The following C17orf99 variants were observed in gnomAD, a reference collection of about 807,000 sequenced individuals.
C17orf99 encodes chromosome 17 open reading frame 99, also known as protein IL-40.
In C17orf99, 18 loss-of-function variants were observed where a neutral mutation model predicts 22.6. That is an observed-to-expected ratio of 0.80 (90% CI 0.55 to 1.18). The LOEUF is 1.18. Among genes scored for constraint, C17orf99 ranks in the 50% most tolerant of loss-of-function variants. The pLI is 0.00. For synonymous variants in C17orf99, 147 were observed against 136.6 expected, an observed-to-expected ratio of 1.08 and a Z score of -0.53; for missense variants, 328 against 342.7, an observed-to-expected ratio of 0.96 and a Z score of 0.34.
intron 2 of C17orf99, chr17:78,158,117 C>T: frequency 1.2e-6 from 1 of 857,884 alleles, no homozygotes; most frequent in Non-Finnish European, 1.9e-6. Context: ...AGAGACTGAG[C>T]AGAAGTACAG....
chr17:78,146,536 G>C lies in C17orf99; in HGVS notation c.37+92G>C. 4.2e-6 allele frequency: 5 copies of C among 1,187,690 alleles called. No homozygotes were observed. The highest frequency in any genetic ancestry group is 6.1e-6 in the Non-Finnish European group (5 of 826,406). 73.6% of individuals were successfully genotyped at this position (1,187,690 alleles called of 1,614,324 possible). On this transcript the variant is annotated intron_variant, in intron 1 of 4. Transcript: ENST00000340363. This position sits in a 1 kb window ranked among gnomAD's most constrained non-coding sequence, Gnocchi z 5.2. ...GGTACTGGGAGCACAGGAGAGATGA[G>C]GCCTGAAGGAAGGGCACCTCTGGAA...
At chr17:78,149,515 G>A (rs1038557763) in intron 2 of C17orf99, among the ~76,000 whole-genome samples, 10 of 151,976 alleles carry the variant, frequency 6.6e-5, no homozygotes, top group Non-Finnish European at 1.0e-4. Context: ...TGATCTCTGC[G>A]TAGGTTGGCT....
chr17:78,149,201 G>A (rs564042857), intron 2 of C17orf99, among the ~76,000 whole-genome samples: 87 of 151,888 alleles, frequency 5.7e-4, no homozygotes, highest in African/African-American at 1.9e-3. Flanking sequence ...GCGTGGTGGC[G>A]CACGTCTGTA....
intron 2 of C17orf99, among the ~76,000 whole-genome samples, chr17:78,149,682 C>T (rs990945842): frequency 4.0e-5 from 6 of 151,838 alleles, no homozygotes; most frequent in East Asian, 1.9e-4. Flanking sequence ...TACAGGCACA[C>T]GCCATCACAC....
At chr17:78,160,656 CACCT>C in intron 2 of C17orf99, 1 of 411,748 alleles carries the variant, frequency 2.4e-6, no homozygotes, top group South Asian at 2.7e-5. Flanking sequence ...GGCTCACTGC[CACCT>C]GCCACCTCCG....
At chr17:78,146,247 G>T, upstream of C17orf99, 1 of 594,614 alleles carries the variant, frequency 1.7e-6, no homozygotes, top group Non-Finnish European at 2.9e-6. This position sits in a 1 kb window ranked among gnomAD's most constrained non-coding sequence, Gnocchi z 5.2. Context: ...GGGCTCTCTG[G>T]GCCCCGCCCT....
intron 2 of C17orf99, among the ~76,000 whole-genome samples, chr17:78,152,361 G>A (rs977367558): frequency 2.0e-5 from 3 of 149,946 alleles, no homozygotes; most frequent in East Asian, 3.9e-4. Context: ...TTGAGACAGG[G>A]TCTCACTTTG....
At position 78,161,146 on chromosome 17, in the gene C17orf99, A is replaced by G. The variant is rs778561686; in HGVS notation, c.262A>G (p.Thr88Ala). 1 of 1,551,780 alleles carries G rather than the reference A, an allele frequency of 6.4e-7. No individual in the cohort carries two copies. Among genetic ancestry groups the G allele is most frequent in the South Asian group, 1.2e-5 (1 of 84,064 alleles). The stretch of plus-strand genomic sequence containing the variant: ...GCCGGCCTCCTTCAACCTCAACGTC[A>G]CACTCAAGTCCAGTCCAGACCTGCT... Reference protein sequence around the residue: ...HEPASFNLNVTLKSSPDLLTY... With the variant: ...HEPASFNLNVALKSSPDLLTY... Residue 88 changes from threonine (T) to alanine (A), a missense_variant, in exon 3 of 5, where the codon ACA becomes GCA. Coordinates refer to ENST00000340363, the MANE Select transcript of C17orf99 (RefSeq NM_001163075.2).
intron 2 of C17orf99, among the ~76,000 whole-genome samples, chr17:78,152,866 G>A (rs1441261431): frequency 6.6e-6 from 1 of 151,930 alleles, no homozygotes; most frequent in Non-Finnish European, 1.5e-5. Context: ...TGGATCACTT[G>A]AGGTCAGGAG....
chr17:78,157,420 T>G, intron 2 of C17orf99: 1 of 1,297,724 alleles, frequency 7.7e-7, no homozygotes, highest in Non-Finnish European at 1.1e-6. Context: ...TCGAAGCCTC[T>G]TAAAATGGCA....
chr17:78,158,178 C>T (rs1263270505), intron 2 of C17orf99: 5 of 735,232 alleles, frequency 6.8e-6, no homozygotes, highest in Non-Finnish European at 1.2e-5. Flanking sequence ...ACCGAGGAGG[C>T]AGCTGCTGCA....
intron 2 of C17orf99, among the ~76,000 whole-genome samples, chr17:78,149,812 G>T (rs1448306669): frequency 2.0e-5 from 3 of 150,046 alleles, no homozygotes; most frequent in Admixed American, 6.6e-5. Flanking sequence ...CAGGTTCAAG[G>T]GATTCTCCTG....
At chr17:78,147,539 G>C (rs1159637873) in intron 2 of C17orf99, among the ~76,000 whole-genome samples, 1 of 152,116 alleles carries the variant, frequency 6.6e-6, no homozygotes, top group African/African-American at 2.4e-5. Context: ...ATCTTTGCCT[G>C]CTCCATCTTT....
chr17:78,150,526 G>A (rs752439791), intron 2 of C17orf99, among the ~76,000 whole-genome samples: 5 of 152,190 alleles, frequency 3.3e-5, no homozygotes, highest in Non-Finnish European at 7.3e-5. Context: ...GGAGGGATAG[G>A]TGTTGGTAGA....
intron 2 of C17orf99, chr17:78,157,825 G>C: frequency 1.3e-5 from 4 of 308,898 alleles, no homozygotes; most frequent in Non-Finnish European, 1.6e-5. Context: ...AAAAAAAAAA[G>C]AATGGCTTTG....
At position 78,146,523 on chromosome 17, in the gene C17orf99, A is replaced by C; in HGVS notation, c.37+79A>C. 2.3e-6 allele frequency: 3 copies of C among 1,325,102 alleles called. No homozygotes were observed. Among genetic ancestry groups the C allele is most frequent in the Non-Finnish European group, 3.2e-6 (3 of 948,262 alleles). 82.1% of individuals were successfully genotyped at this position (1,325,102 alleles called of 1,614,324 possible). A position where few individuals can be genotyped will look rare whatever the true frequency, so the allele number is the denominator to read the frequency against. On this transcript the variant is annotated intron_variant, in intron 1 of 4. Coordinates refer to ENST00000340363, the MANE Select transcript of C17orf99 (RefSeq NM_001163075.2). This position sits in a 1 kb window ranked among gnomAD's most constrained non-coding sequence, Gnocchi z 5.2. The stretch of plus-strand genomic sequence containing the variant: ...GGGCTCAGGTGGGGGTACTGGGAGC[A>C]CAGGAGAGATGAGGCCTGAAGGAAG...
intron 3 of C17orf99, 100 bp from the exon 4 acceptor site, chr17:78,163,995 G>GCTAA: frequency 1.8e-6 from 2 of 1,095,652 alleles, no homozygotes; most frequent in Non-Finnish European, 2.7e-6. Context: ...GGCAGCCACA[G>GCTAA]CTAAGCTCAT....
intron 2 of C17orf99, chr17:78,159,930 T>C: frequency 2.5e-6 from 1 of 397,254 alleles, no homozygotes; most frequent in South Asian, 1.8e-5. Context: ...TAATATTCCT[T>C]ATATGGATCA....
At chr17:78,161,383 C>G in intron 3 of C17orf99, 129 bp downstream of exon 3, 1 of 791,168 alleles carries the variant, frequency 1.3e-6, no homozygotes, top group South Asian at 1.8e-5. Context: ...TGGACAAGGA[C>G]AGGCTGCCAC....
Sources: allele counts gnomAD v4.1 joint callset (sites outside exome capture counted in the v4.1 genomes callset), GRCh38; gene constraint gnomAD v4.1.1; non-coding constraint Gnocchi (gnomAD v3.1); transcripts MANE v1.5; gene names NCBI Gene and HGNC (gene_info 2026-07-23, HGNC 2026-07-21).